FAM53B: variants seen among roughly 807,000 people sequenced by gnomAD.
FAM53B encodes the protein family with sequence similarity 53 member B.
A neutral mutation model predicts 32.7 loss-of-function variants in FAM53B; 12 were observed. The ratio of observed to expected loss-of-function variants is 0.37; its 90% confidence interval spans 0.24 to 0.59. The LOEUF (loss-of-function observed/expected upper bound fraction) is 0.59, where lower values mean the gene tolerates loss of function less well. Among genes scored for constraint, FAM53B ranks in the 20% least tolerant of loss-of-function variants. FAM53B has a pLI of 0.72. For missense variants in FAM53B, 477 were observed against 577.7 expected, an observed-to-expected ratio of 0.83 and a Z score of 1.79; for synonymous variants, 234 against 228.7, an observed-to-expected ratio of 1.02 and a Z score of -0.21.
intron 3 of FAM53B, among the ~76,000 whole-genome samples, chr10:124,690,562 G>T (rs1470646245): frequency 6.6e-6 from 1 of 152,192 alleles, no homozygotes; most frequent in African/African-American, 2.4e-5. Context: ...TAAGAAGGCA[G>T]CCCTGGGAAG....
rs1185862243 is a variant in FAM53B, at chr10:124,744,190, G to A, written c.-352C>T. 1.4e-5 allele frequency: 2 copies of A among 147,162 alleles called. No individual in the cohort carries two copies. Among genetic ancestry groups the A allele is most frequent in the South Asian group, 2.1e-4 (1 of 4,826 alleles). 9.1% of individuals were successfully genotyped at this position (147,162 alleles called of 1,614,324 possible). ...CGACTTGTCACTTCCTGAAGTGTTT[G>A]CAACTCGTCCCTTTAACCGGCACCG... On this transcript the variant is annotated 5_prime_UTR_variant, in exon 1 of 5. Transcript: ENST00000337318.
chr10:124,637,911 G>A (rs1653957678), intron 4 of FAM53B, among the ~76,000 whole-genome samples: 1 of 152,220 alleles, frequency 6.6e-6, no homozygotes, highest in Admixed American at 6.5e-5. Context: ...GCAGGCAGAG[G>A]GAATTTCGCT....
chr10:124,664,143 C>T (rs1025428864), intron 4 of FAM53B, among the ~76,000 whole-genome samples: 4 of 152,088 alleles, frequency 2.6e-5, no homozygotes, highest in Admixed American at 1.3e-4. Context: ...GAGCAGGTGC[C>T]GGTCTCCACT....
Position 124,733,946 on chromosome 10 carries a change from G to A in FAM53B, c.-175+10067C>T, listed in dbSNP as rs1414768334. On this transcript the variant is annotated intron_variant, in intron 1 of 4. Coordinates refer to ENST00000337318, the MANE Select transcript of FAM53B (RefSeq NM_014661.4). The surrounding 1 kb of genome is among the most constrained non-coding windows in gnomAD (Gnocchi z 4.3). ...AGATTCCCTGACACAGTCCCATGGTGCTGTGACTGGGGACACCTGCTCTCC... is the reference window on the plus strand; with the variant it reads ...AGATTCCCTGACACAGTCCCATGGTACTGTGACTGGGGACACCTGCTCTCC... Among the ~76,000 whole-genome samples the A allele has an allele frequency of 2.6e-5, 4 of 152,198 alleles. No homozygotes were observed. Among genetic ancestry groups the A allele is most frequent in the African/African-American group, 9.7e-5 (4 of 41,442 alleles).
chr10:124,686,903 C>T (rs1008624359), intron 3 of FAM53B, among the ~76,000 whole-genome samples: 1 of 152,250 alleles, frequency 6.6e-6, no homozygotes, highest in African/African-American at 2.4e-5. Context: ...GCCATGTGGC[C>T]ATGTGTGACT....
In FAM53B at chr10:124,736,413, T is replaced by C. The variant is rs540272868; in HGVS notation, c.-175+7600A>G. Among the ~76,000 whole-genome samples the C allele has an allele frequency of 6.9e-4, 105 of 152,348 alleles. 3 individuals carry two copies. In the South Asian group the frequency reaches 0.021, roughly 30 times the overall value. On this transcript the variant is annotated intron_variant, in intron 1 of 4. Transcript: ENST00000337318. ...TTCTGGAGACTCAAAACCACAGACCTCTTTTCCCCCGGGCTCAGGAGCCAG... is the reference window on the plus strand; with the variant it reads ...TTCTGGAGACTCAAAACCACAGACCCCTTTTCCCCCGGGCTCAGGAGCCAG...
intron 1 of FAM53B, among the ~76,000 whole-genome samples, chr10:124,722,311 T>C (rs1950073618): frequency 6.6e-6 from 1 of 152,210 alleles, no homozygotes; most frequent in Non-Finnish European, 1.5e-5. Flanking sequence ...AGTACAATTA[T>C]GTGTCAATTT....
At chr10:124,652,860 A>C (rs1265522053) in intron 4 of FAM53B, among the ~76,000 whole-genome samples, 1 of 152,174 alleles carries the variant, frequency 6.6e-6, no homozygotes, top group Non-Finnish European at 1.5e-5. Context: ...GCTAGTCCCC[A>C]GGGCAGAGGA....
In FAM53B at chr10:124,737,547, G is replaced by A. The variant is rs190546125; in HGVS notation, c.-175+6466C>T. Among the ~76,000 whole-genome samples, 429 of 152,280 alleles carry A rather than the reference G, an allele frequency of 2.8e-3. 3 individuals carry two copies. Among genetic ancestry groups the A allele is most frequent in the Non-Finnish European group, 4.7e-3 (318 of 68,032 alleles). ...ACAGCAGTAGGGCAGGGACTCAGGA[G>A]ACAGAGTCTGCACCTTTGACAACTG... On this transcript the variant is annotated intron_variant, in intron 1 of 4. Transcript: ENST00000337318.
At chr10:124,713,281 A>G (rs1950017155) in intron 1 of FAM53B, among the ~76,000 whole-genome samples, 1 of 152,210 alleles carries the variant, frequency 6.6e-6, no homozygotes, top group Admixed American at 6.5e-5. Context: ...TCATTTGCCC[A>G]ATATCATACA....
chr10:124,692,990 C>A (rs1268061008), intron 3 of FAM53B, among the ~76,000 whole-genome samples: 1 of 152,174 alleles, frequency 6.6e-6, no homozygotes, highest in Non-Finnish European at 1.5e-5. Context: ...CTGTCCCCAG[C>A]TCTCATGGGA....
At chr10:124,694,281 C>A (rs776563544) in intron 3 of FAM53B, among the ~76,000 whole-genome samples, 1 of 152,242 alleles carries the variant, frequency 6.6e-6, no homozygotes, top group Non-Finnish European at 1.5e-5. Flanking sequence ...GCAGACACAG[C>A]GTAGTCCCTC....
intron 4 of FAM53B, 84 bp from the exon 5 acceptor site, chr10:124,623,688 C>T (rs776811849): frequency 2.4e-4 from 353 of 1,454,180 alleles, no homozygotes; most frequent in South Asian, 2.5e-4. Context: ...AGCAACTAGA[C>T]CACCAGGCTG....
At position 124,655,775 on chromosome 10, in the gene FAM53B, C is replaced by T. The variant is rs531942705; in HGVS notation, c.906+25832G>A. On this transcript the variant is annotated intron_variant, in intron 4 of 4. Transcript: ENST00000337318. ...CGCAGAAGATCCTTCTACTTCTCTG[C>T]TCGTCGCCTCTGTCCCACTACCCAT... Among the ~76,000 whole-genome samples the T allele has an allele frequency of 4.6e-5, 7 of 152,350 alleles. No individual in the cohort carries two copies. In the South Asian group the frequency reaches 1.2e-3, roughly 27 times the overall value.
At chr10:124,643,497 A>G (rs575240615) in intron 4 of FAM53B, among the ~76,000 whole-genome samples, 166 of 152,332 alleles carry the variant, frequency 1.1e-3, no homozygotes, top group Non-Finnish European at 1.9e-3. Flanking sequence ...GAAAGCCTCC[A>G]TCACTCGTCG....
intron 4 of FAM53B, among the ~76,000 whole-genome samples, chr10:124,677,156 G>A (rs1949741264): frequency 6.6e-6 from 1 of 152,186 alleles, no homozygotes; most frequent in East Asian, 1.9e-4. Flanking sequence ...TGAAATCTTT[G>A]CTCACACACA....
At chr10:124,636,682 C>T (rs1035791766) in intron 4 of FAM53B, among the ~76,000 whole-genome samples, 6 of 151,958 alleles carry the variant, frequency 3.9e-5, no homozygotes, top group Admixed American at 1.3e-4. Context: ...GCTGCCAGGC[C>T]GGGCCCCATC....
At chr10:124,741,782 C>T (rs1950201700) in intron 1 of FAM53B, among the ~76,000 whole-genome samples, 1 of 152,224 alleles carries the variant, frequency 6.6e-6, no homozygotes, top group Admixed American at 6.5e-5. Context: ...TATCATAAAG[C>T]TCTTTCCAAA....
chr10:124,718,255 C>T, intron 1 of FAM53B, among the ~76,000 whole-genome samples: 1 of 152,296 alleles, frequency 6.6e-6, no homozygotes, highest in East Asian at 1.9e-4. Context: ...GTGCCACCCA[C>T]TCATCAGAGG....
Sources: allele counts gnomAD v4.1 joint callset (sites outside exome capture counted in the v4.1 genomes callset), GRCh38; gene constraint gnomAD v4.1.1; non-coding constraint Gnocchi (gnomAD v3.1); transcripts MANE v1.5; gene names NCBI Gene and HGNC (gene_info 2026-07-23, HGNC 2026-07-21).